PLA2G7: variants seen among roughly 807,000 people sequenced by gnomAD.
PLA2G7 encodes platelet-activating factor acetylhydrolase.
A neutral mutation model predicts 49.6 loss-of-function variants in PLA2G7; 63 were observed. The observed-to-expected ratio is 1.27, with a 90% CI of 1.04 to 1.57. The LOEUF (loss-of-function observed/expected upper bound fraction) is 1.57. PLA2G7 is among the 40% of genes most tolerant of loss of function. PLA2G7 has a pLI of 0.00. For missense variants in PLA2G7, 596 were observed against 521.2 expected (o/e 1.14, Z -1.40); for synonymous variants, 193 against 169.9 (o/e 1.14, Z -1.06).
In PLA2G7 at chr6:46,704,329, C is replaced by G. The variant is rs1364131752; in HGVS notation, c.*231G>C. The G allele has an allele frequency of 3.9e-6, 2 of 516,208 alleles. No homozygotes were observed. Among genetic ancestry groups the G allele is most frequent in the East Asian group, 6.6e-5 (2 of 30,084 alleles). 32.0% of individuals were successfully genotyped at this position (516,208 alleles called of 1,614,324 possible). A position where few individuals can be genotyped will look rare whatever the true frequency, so the allele number is the denominator to read the frequency against. ...TTTAGGCTGATATGAATATTGTATA[C>G]TGTATTCTTTCTTTACATCTAAAGG... On this transcript the variant is annotated 3_prime_UTR_variant, in exon 12 of 12. Coordinates refer to ENST00000274793, the MANE Select transcript of PLA2G7 (RefSeq NM_005084.4).
Position 46,722,925 on chromosome 6 carries a change from C to A in PLA2G7, c.-34G>T. ...CTGAGCAGCAGTTTCAGCTTAGTCT[C>A]CTTCGAAGCAGATGATTAAAAGAAA... is the stretch of plus-strand genomic sequence containing the variant. On this transcript the variant is annotated splice_region_variant and 5_prime_UTR_variant, in exon 2 of 12. Transcript: ENST00000274793. 2.5e-6 allele frequency: 3 copies of A among 1,213,540 alleles called. No individual in the cohort carries two copies. Among genetic ancestry groups the A allele is most frequent in the Non-Finnish European group, 3.7e-6 (3 of 817,140 alleles). 75.2% of individuals were successfully genotyped at this position (1,213,540 alleles called of 1,614,324 possible).
In PLA2G7 at chr6:46,711,552, A is replaced by T; in HGVS notation, c.607T>A (p.Trp203Arg). 6.2e-7 allele frequency: 1 copy of T among 1,613,784 alleles called. No homozygotes were observed. The part of the protein sequence containing the change: ...QSAAEIGDKS[W>R]LYLRTLKQEE... ...TGTTTCAGGGTTCTAAGGTAGAGCCAAGACTTGTCCCCTATTTCTGCAGCA... is the reference window on the plus strand; with the variant it reads ...TGTTTCAGGGTTCTAAGGTAGAGCCTAGACTTGTCCCCTATTTCTGCAGCA... Residue 203 changes from tryptophan to arginine, a missense_variant, in exon 7 of 12, where the codon TGG (tryptophan) becomes AGG (arginine). Coordinates refer to ENST00000274793, the MANE Select transcript of PLA2G7 (RefSeq NM_005084.4).
chr6:46,735,654 A>G (rs41401553), upstream of PLA2G7: 1,282 of 152,320 alleles, frequency 8.4e-3, 10 homozygotes, highest in Non-Finnish European at 0.012. Context: ...GATCAGATTT[A>G]CTCCCTGCTG....
At chr6:46,716,918 C>G in intron 3 of PLA2G7, 57 bp downstream of exon 3, 1 of 1,559,602 alleles carries the variant, frequency 6.4e-7, no homozygotes. Context: ...TTCTAGTGGT[C>G]CATAGCGACA....
intron 1 of PLA2G7, among the ~76,000 whole-genome samples, chr6:46,729,892 G>A (rs1056211065): frequency 8.5e-5 from 13 of 152,210 alleles, no homozygotes; most frequent in African/African-American, 2.9e-4. Context: ...TGTACATTGA[G>A]CAGTTCTCCT....
chr6:46,705,102 C>A (rs775528156), intron 11 of PLA2G7, 51 bp downstream of exon 11: 1 of 1,344,742 alleles, frequency 7.4e-7, no homozygotes, highest in South Asian at 1.2e-5. Context: ...AGATAGACAG[C>A]TTTGTCCTGA....
chr6:46,712,345 A>G lies in PLA2G7; in HGVS notation c.471-8T>C, dbSNP rs1765057181. On this transcript the variant is annotated splice_polypyrimidine_tract_variant and splice_region_variant and intron_variant, in intron 5 of 11. Transcript: ENST00000274793. Reference sequence around the variant, plus strand: ...ATAGCAGAATAAAGTGTCCTTCAAAACAAAAAGAGGGAAGAATTACAACTA... The same window carrying G: ...ATAGCAGAATAAAGTGTCCTTCAAAGCAAAAAGAGGGAAGAATTACAACTA... 6.2e-7 allele frequency: 1 copy of G among 1,604,200 alleles called. No individual in the cohort carries two copies. Among genetic ancestry groups the G allele is most frequent in the South Asian group, 1.1e-5 (1 of 90,890 alleles).
intron 1 of PLA2G7, among the ~76,000 whole-genome samples, chr6:46,724,370 A>C (rs1396848741): frequency 6.6e-6 from 1 of 152,212 alleles, no homozygotes; most frequent in East Asian, 1.9e-4. Flanking sequence ...CACTCAGTAA[A>C]TGCCTGCTGA....
chr6:46,729,713 G>A (rs547274224), intron 1 of PLA2G7, among the ~76,000 whole-genome samples: 5 of 152,300 alleles, frequency 3.3e-5, no homozygotes, highest in African/African-American at 1.2e-4. Flanking sequence ...GGCTGTGGGG[G>A]CTGTCCTGTG....
intron 5 of PLA2G7, among the ~76,000 whole-genome samples, chr6:46,713,090 CAT>C (rs1383270537): frequency 6.6e-6 from 1 of 152,146 alleles, no homozygotes; most frequent in Non-Finnish European, 1.5e-5. Context: ...ATACTTAACA[CAT>C]GTTAGCTATT....
chr6:46,726,751 C>T (rs574846895), intron 1 of PLA2G7, among the ~76,000 whole-genome samples: 2 of 152,178 alleles, frequency 1.3e-5, no homozygotes, highest in East Asian at 1.9e-4. Context: ...AAGTGATTCT[C>T]CTGCCTCAGC....
At chr6:46,720,216 G>A (rs1765350836) in intron 2 of PLA2G7, among the ~76,000 whole-genome samples, 1 of 152,242 alleles carries the variant, frequency 6.6e-6, no homozygotes, top group South Asian at 2.1e-4. Flanking sequence ...GCTGCTGTTG[G>A]AGACACTACC....
At position 46,704,551 on chromosome 6, in the gene PLA2G7, A is replaced by G. The variant is rs1407382095; in HGVS notation, c.*9T>C. 1.3e-6 allele frequency: 2 copies of G among 1,551,672 alleles called. No individual in the cohort carries two copies. The highest frequency in any genetic ancestry group is 2.2e-5 in the East Asian group (1 of 44,500). ...TTGAAACAAGACTTTTAAAAAACCT[A>G]TTTTAATCCTAATTGTATTTCTCTA... On this transcript the variant is annotated 3_prime_UTR_variant, in exon 12 of 12. Coordinates refer to ENST00000274793, the MANE Select transcript of PLA2G7 (RefSeq NM_005084.4).
At chr6:46,723,853 A>G (rs921660623) in intron 1 of PLA2G7, among the ~76,000 whole-genome samples, 4 of 152,110 alleles carry the variant, frequency 2.6e-5, no homozygotes, top group African/African-American at 9.7e-5. Context: ...GAAGCCATTC[A>G]CCCAAAATAG....
At chr6:46,725,752 C>A (rs994837859) in intron 1 of PLA2G7, among the ~76,000 whole-genome samples, 2 of 152,098 alleles carry the variant, frequency 1.3e-5, no homozygotes, top group Admixed American at 1.3e-4. Context: ...GTTATCTCTT[C>A]GCAAATAATG....
chr6:46,706,311 C>T (rs899328901), intron 10 of PLA2G7, among the ~76,000 whole-genome samples: 1 of 152,168 alleles, frequency 6.6e-6, no homozygotes, highest in African/African-American at 2.4e-5. Context: ...CACTCTTCCC[C>T]ACATTGTAGT....
At chr6:46,719,257 G>A (rs1316538795) in intron 2 of PLA2G7, among the ~76,000 whole-genome samples, 1 of 152,172 alleles carries the variant, frequency 6.6e-6, no homozygotes, top group East Asian at 1.9e-4. Context: ...GAAAAGTTTT[G>A]AGTCATGGGA....
intron 10 of PLA2G7, 87 bp from the exon 11 acceptor site, chr6:46,705,388 G>T (rs893287248): frequency 5.6e-6 from 6 of 1,078,280 alleles, no homozygotes; most frequent in Non-Finnish European, 7.0e-6. Context: ...TACTGGTCTT[G>T]TTGGTCTGTT....
At chr6:46,711,262 C>G (rs981901422) in intron 7 of PLA2G7, among the ~76,000 whole-genome samples, 2 of 152,128 alleles carry the variant, frequency 1.3e-5, no homozygotes, top group Admixed American at 6.6e-5. Context: ...CAAGGGAATT[C>G]TGAATATTCA....
Sources: allele counts gnomAD v4.1 joint callset (sites outside exome capture counted in the v4.1 genomes callset), GRCh38; gene constraint gnomAD v4.1.1; transcripts MANE v1.5; gene names NCBI Gene and HGNC (gene_info 2026-07-23, HGNC 2026-07-21).